The following TBC1D5 variants were observed in gnomAD, a reference collection of about 807,000 sequenced individuals.
TBC1D5 encodes TBC1 domain family, member 5.
TBC1D5 carries 75 observed loss-of-function variants against 100.3 expected under a neutral mutation model. The observed-to-expected ratio is 0.75, with a 90% CI of 0.62 to 0.91. The LOEUF (loss-of-function observed/expected upper bound fraction) is 0.91, where lower values mean the gene tolerates loss of function less well. TBC1D5 is among the 40% of genes least tolerant of loss of function. The pLI is 0.00. For synonymous variants in TBC1D5, 323 were observed against 325.6 expected (o/e 0.99, Z 0.09); for missense variants, 910 against 942.4 (o/e 0.97, Z 0.45).
intron 19 of TBC1D5, among the ~76,000 whole-genome samples, chr3:17,169,205 G>C: frequency 6.6e-6 from 1 of 152,078 alleles, no homozygotes; most frequent in East Asian, 1.9e-4. Context: ...CCCCCTAACA[G>C]GATATAAACT....
intron 8 of TBC1D5, among the ~76,000 whole-genome samples, chr3:17,393,959 C>A (rs1383348162): frequency 6.6e-6 from 1 of 152,046 alleles, no homozygotes; most frequent in South Asian, 2.1e-4. Context: ...GCAACAAAAG[C>A]CAAAACTGAC....
intron 2 of TBC1D5, among the ~76,000 whole-genome samples, chr3:17,593,588 C>T (rs996629292): frequency 1.3e-5 from 2 of 152,180 alleles, no homozygotes; most frequent in East Asian, 3.8e-4. Flanking sequence ...TTTGCCTATC[C>T]TGCACGCAAT....
chr3:17,445,448 A>G (rs995860797), intron 3 of TBC1D5, among the ~76,000 whole-genome samples: 1 of 152,122 alleles, frequency 6.6e-6, no homozygotes, highest in Non-Finnish European at 1.5e-5. Flanking sequence ...ATAATATATA[A>G]GCCTCAATAT....
intron 19 of TBC1D5, among the ~76,000 whole-genome samples, chr3:17,181,000 C>T (rs1489318610): frequency 6.7e-6 from 1 of 149,842 alleles, no homozygotes; most frequent in Non-Finnish European, 1.5e-5. Context: ...AAATAATTAA[C>T]ATTAGGAAAG....
chr3:17,485,907 G>A (rs539006825), intron 3 of TBC1D5, among the ~76,000 whole-genome samples: 1 of 152,226 alleles, frequency 6.6e-6, no homozygotes, highest in Admixed American at 6.5e-5. Flanking sequence ...GATCCCTGAG[G>A]AATCGCCACA....
In TBC1D5 at chr3:17,568,800, G is replaced by A. The variant is rs182301132; in HGVS notation, c.-36+55049C>T. The stretch of plus-strand genomic sequence containing the variant: ...AATATTTCCTTTTATCTCTTCTTTC[G>A]ATCTTAAAATTGCCCAAGTTTTACT... On this transcript the variant is annotated intron_variant, in intron 2 of 21. Transcript: ENST00000253692. Among the ~76,000 whole-genome samples, 5 of 150,444 alleles carry A rather than the reference G, an allele frequency of 3.3e-5. No individual in the cohort carries two copies. In the South Asian group the frequency reaches 8.4e-4, roughly 25 times the overall value.
At chr3:17,373,308 G>GCAA (rs1177163818) in intron 12 of TBC1D5, among the ~76,000 whole-genome samples, 18 of 152,166 alleles carry the variant, frequency 1.2e-4, no homozygotes, top group Admixed American at 9.8e-4. Context: ...AGTAATAATG[G>GCAA]TTTCTAACCA....
chr3:17,466,821 CAAG>C (rs2095308870), intron 3 of TBC1D5, among the ~76,000 whole-genome samples: 1 of 151,602 alleles, frequency 6.6e-6, no homozygotes, highest in Admixed American at 6.6e-5. Context: ...AAACGTGACT[CAAG>C]TAGTCCATCT....
intron 9 of TBC1D5, among the ~76,000 whole-genome samples, chr3:17,382,021 T>G (rs1314230346): frequency 6.6e-6 from 1 of 152,062 alleles, no homozygotes; most frequent in Non-Finnish European, 1.5e-5. Context: ...TCACATTAGT[T>G]TGATCACAGA....
intron 3 of TBC1D5, among the ~76,000 whole-genome samples, chr3:17,462,293 C>T (rs1487533208): frequency 2.0e-5 from 3 of 150,200 alleles, no homozygotes; most frequent in South Asian, 2.1e-4. Context: ...TCATTACCCA[C>T]GTGCTATATT....
rs367609191 is a variant in TBC1D5 at position 17,368,835 on chromosome 3, T to C, written c.995+3240A>G. The stretch of plus-strand genomic sequence containing the variant: ...CTTTAGATGACACCATTATGAATTA[T>C]TATGTAATCTGAGAAAGCAGTTTCA... On this transcript the variant is annotated intron_variant, in intron 13 of 21. Coordinates refer to ENST00000253692, the Ensembl canonical transcript of TBC1D5. 7.2e-5 allele frequency among the ~76,000 whole-genome samples: 11 copies of C among 152,212 alleles called. 1 individual carries two copies. In the South Asian group the frequency reaches 2.1e-3, roughly 29 times the overall value.
intron 2 of TBC1D5, among the ~76,000 whole-genome samples, chr3:17,619,684 A>T: frequency 6.6e-6 from 1 of 152,256 alleles, no homozygotes; most frequent in Admixed American, 6.5e-5. Flanking sequence ...CTATAAACTA[A>T]GAATTCATAA....
At chr3:17,520,552 A>G (rs1269375365) in intron 2 of TBC1D5, among the ~76,000 whole-genome samples, 1 of 152,190 alleles carries the variant, frequency 6.6e-6, no homozygotes, top group Non-Finnish European at 1.5e-5. Flanking sequence ...TTTTTCAGTC[A>G]GTAAAAAATT....
chr3:17,508,566 T>C (rs1176509989), exon 3 of TBC1D5: 4 of 1,613,056 alleles, frequency 2.5e-6, no homozygotes, highest in Non-Finnish European at 3.4e-6. Context: ...TAAGGAATGA[T>C]ACATTGTGGG....
At chr3:17,574,211 C>T (rs913958461) in intron 2 of TBC1D5, among the ~76,000 whole-genome samples, 4 of 152,036 alleles carry the variant, frequency 2.6e-5, no homozygotes, top group Non-Finnish European at 5.9e-5. Flanking sequence ...TACCATGGCA[C>T]ATCTATCCTT....
chr3:17,733,359 G>A (rs1016505062), intron 1 of TBC1D5, among the ~76,000 whole-genome samples: 3 of 152,156 alleles, frequency 2.0e-5, no homozygotes, highest in Admixed American at 6.5e-5. Context: ...GGATCTTACC[G>A]GAAGAAAATC....
intron 2 of TBC1D5, among the ~76,000 whole-genome samples, chr3:17,511,143 A>G (rs1050615156): frequency 6.6e-6 from 1 of 152,078 alleles, no homozygotes; most frequent in Non-Finnish European, 1.5e-5. Context: ...GAAATCTGCT[A>G]ATTTGTAAGT....
chr3:17,214,410 T>A (rs1438636186), intron 17 of TBC1D5, 40 bp from the exon 19 acceptor site: 2 of 1,587,160 alleles, frequency 1.3e-6, no homozygotes, highest in South Asian at 2.3e-5. Context: ...AACACCAGAC[T>A]CTTTCACTAA....
At chr3:17,354,488 A>C (rs940914851) in intron 13 of TBC1D5, among the ~76,000 whole-genome samples, 11 of 152,072 alleles carry the variant, frequency 7.2e-5, no homozygotes, top group Non-Finnish European at 1.5e-4. Context: ...TCAGCTATTG[A>C]GTATATTTGT....
Sources: allele counts gnomAD v4.1 joint callset (sites outside exome capture counted in the v4.1 genomes callset), GRCh38; gene constraint gnomAD v4.1.1; transcripts MANE v1.5; gene names NCBI Gene and HGNC (gene_info 2026-07-23, HGNC 2026-07-21).